ROBO2: variants seen among roughly 807,000 people sequenced by gnomAD.
The protein encoded by ROBO2 is roundabout homolog 2.
A neutral mutation model predicts 160.8 loss-of-function variants in ROBO2; 53 were observed. That is an observed-to-expected ratio of 0.33 (90% CI 0.26 to 0.41). The LOEUF (loss-of-function observed/expected upper bound fraction) is 0.41, where lower values mean the gene tolerates loss of function less well. ROBO2 is among the 10% of genes least tolerant of loss of function. ROBO2 has a pLI of 1.00. For missense variants in ROBO2, 1,577 were observed against 1,722.4 expected, an observed-to-expected ratio of 0.92 and a Z score of 1.49; for synonymous variants, 664 against 611.7, an observed-to-expected ratio of 1.09 and a Z score of -1.26.
chr3:76,595,898 G>A (rs186688672), intron 2 of ROBO2, among the ~76,000 whole-genome samples: 25 of 151,250 alleles, frequency 1.7e-4, no homozygotes, highest in Non-Finnish European at 2.2e-4. Flanking sequence ...TCAAACACCC[G>A]TGAGCCACGT....
chr3:77,543,732 C>T (rs1158182275), intron 6 of ROBO2, among the ~76,000 whole-genome samples: 2 of 151,908 alleles, frequency 1.3e-5, no homozygotes, highest in African/African-American at 4.8e-5. Flanking sequence ...CACGTTTATT[C>T]TCAGTTAATA....
chr3:76,948,381 T>G (rs559049602), intron 2 of ROBO2, among the ~76,000 whole-genome samples: 5 of 152,086 alleles, frequency 3.3e-5, no homozygotes, highest in Admixed American at 6.5e-5. Context: ...CTTCACTATT[T>G]TTCCTAGTAT....
chr3:76,941,304 G>A (rs1487542740), intron 2 of ROBO2, among the ~76,000 whole-genome samples: 1 of 151,802 alleles, frequency 6.6e-6, no homozygotes, highest in African/African-American at 2.4e-5. Flanking sequence ...TAATAAAGGG[G>A]GAATTTTAAA....
At chr3:77,471,698 G>T (rs1054124524) in intron 2 of ROBO2, among the ~76,000 whole-genome samples, 1 of 152,348 alleles carries the variant, frequency 6.6e-6, no homozygotes, top group African/African-American at 2.4e-5. Flanking sequence ...GCACACATGT[G>T]CATAGAAGCC....
chr3:75,928,860 ACGTGTG>A (rs760975112), intron 1 of ROBO2, among the ~76,000 whole-genome samples: 15 of 99,054 alleles, frequency 1.5e-4, no homozygotes, highest in Non-Finnish European at 2.6e-4. Flanking sequence ...GCTGGATAAG[ACGTGTG>A]TGTGTGTGTG....
At chr3:77,197,103 A>G (rs2082381682) in intron 2 of ROBO2, among the ~76,000 whole-genome samples, 1 of 152,226 alleles carries the variant, frequency 6.6e-6, no homozygotes, top group Non-Finnish European at 1.5e-5. Context: ...ATTTTATGGA[A>G]TCATGAAAAA....
intron 2 of ROBO2, among the ~76,000 whole-genome samples, chr3:77,343,271 C>T (rs1309048783): frequency 6.6e-6 from 1 of 152,130 alleles, no homozygotes; most frequent in African/African-American, 2.4e-5. Flanking sequence ...GTTACATAAG[C>T]AGAAGAGAGG....
intron 1 of ROBO2, among the ~76,000 whole-genome samples, chr3:75,929,171 ACGTGTGTG>A (rs1266703008): frequency 6.2e-5 from 5 of 80,620 alleles, no homozygotes; most frequent in African/African-American, 2.8e-4. Flanking sequence ...GCTGGATAAG[ACGTGTGTG>A]TGTGTGTGTG....
At chr3:76,105,550 G>T (rs2108200187) in intron 2 of ROBO2, among the ~76,000 whole-genome samples, 1 of 152,192 alleles carries the variant, frequency 6.6e-6, no homozygotes. Context: ...CATTTTCCCT[G>T]CTTGAATTCA....
intron 2 of ROBO2, among the ~76,000 whole-genome samples, chr3:76,882,172 G>A (rs1001441476): frequency 6.6e-6 from 1 of 151,542 alleles, no homozygotes; most frequent in African/African-American, 2.4e-5. Context: ...CGTGGGTGAT[G>A]TTTGTTTCAT....
intron 2 of ROBO2, among the ~76,000 whole-genome samples, chr3:76,694,861 T>C (rs946127696): frequency 6.6e-6 from 1 of 152,120 alleles, no homozygotes; most frequent in Non-Finnish European, 1.5e-5. Flanking sequence ...TTTTTCACTT[T>C]GGGAGGCTAA....
chr3:76,381,511 G>A (rs539642034), intron 2 of ROBO2, among the ~76,000 whole-genome samples: 5 of 151,950 alleles, frequency 3.3e-5, no homozygotes, highest in African/African-American at 1.2e-4. Flanking sequence ...CACCGCGCCC[G>A]GCTTATTTTT....
intron 2 of ROBO2, among the ~76,000 whole-genome samples, chr3:77,252,300 C>A (rs2090435826): frequency 6.6e-6 from 1 of 152,152 alleles, no homozygotes; most frequent in Non-Finnish European, 1.5e-5. Context: ...CAGCAACATT[C>A]TGATCATAAC....
chr3:77,230,168 G>A (rs2086993066), intron 2 of ROBO2, among the ~76,000 whole-genome samples: 1 of 151,914 alleles, frequency 6.6e-6, no homozygotes, highest in Non-Finnish European at 1.5e-5. Context: ...TCTCACTGCA[G>A]CCTGGATCTC....
At chr3:76,183,110 T>G (rs1701587828) in intron 2 of ROBO2, among the ~76,000 whole-genome samples, 1 of 152,072 alleles carries the variant, frequency 6.6e-6, no homozygotes, top group African/African-American at 2.4e-5. Context: ...CATTCACATA[T>G]CTGGTGCTTT....
intron 2 of ROBO2, among the ~76,000 whole-genome samples, chr3:77,339,875 G>T (rs2066881958): frequency 1.3e-5 from 2 of 151,876 alleles, no homozygotes; most frequent in African/African-American, 4.8e-5. Context: ...GCCTGAATTT[G>T]CCCTGCTGGC....
intron 2 of ROBO2, among the ~76,000 whole-genome samples, chr3:77,407,882 T>C (rs1168266186): frequency 6.6e-6 from 1 of 152,186 alleles, no homozygotes; most frequent in Non-Finnish European, 1.5e-5. Flanking sequence ...AATATATAGG[T>C]GGTCATTGAC....
chr3:76,493,038 G>A (rs1321538711), intron 2 of ROBO2, among the ~76,000 whole-genome samples: 4 of 151,870 alleles, frequency 2.6e-5, no homozygotes, highest in Admixed American at 1.3e-4. Flanking sequence ...AGAGACATCC[G>A]TATTTAAAAT....
chr3:76,940,531 A>G (rs945961118), intron 2 of ROBO2, among the ~76,000 whole-genome samples: 5 of 152,174 alleles, frequency 3.3e-5, no homozygotes, highest in African/African-American at 9.7e-5. Flanking sequence ...TTAAAATTGT[A>G]TTCATTTTAA....
Sources: allele counts gnomAD v4.1 joint callset (sites outside exome capture counted in the v4.1 genomes callset), GRCh38; gene constraint gnomAD v4.1.1; transcripts MANE v1.5; gene names NCBI Gene and HGNC (gene_info 2026-07-23, HGNC 2026-07-21).